Variants in MEDAG observed in about 807,000 individuals in gnomAD.
MEDAG encodes the protein mesenteric estrogen-dependent adipogenesis protein.
A neutral mutation model predicts 29.9 loss-of-function variants in MEDAG; 25 were observed. That is an observed-to-expected ratio of 0.84 (90% confidence interval 0.61 to 1.17). The LOEUF is 1.17. Among genes scored for constraint, MEDAG ranks in the 50% most tolerant of loss-of-function variants. The pLI is 0.00. For synonymous variants in MEDAG, 158 were observed against 148.2 expected, an observed-to-expected ratio of 1.07 and a Z score of -0.48; for missense variants, 398 against 372.9, an observed-to-expected ratio of 1.07 and a Z score of -0.56.
At chr13:30,915,477 C>T (rs946746100) in intron 1 of MEDAG, among the ~76,000 whole-genome samples, 9 of 152,136 alleles carry the variant, frequency 5.9e-5, no homozygotes, top group African/African-American at 2.2e-4. Flanking sequence ...GTGCCCGGCT[C>T]ATCAGCAGGA....
Position 30,925,337 on chromosome 13 carries a change from A to G in MEDAG, c.*902A>G, listed in dbSNP as rs1953031507. ...TTCTTGAAAAGGAAAAAAAAATCCT[A>G]TCTACATATAAAAACCTGCATGAAT... On this transcript the variant is annotated 3_prime_UTR_variant, in exon 5 of 5. Coordinates refer to ENST00000380482, the MANE Select transcript of MEDAG (RefSeq NM_032849.4). The G allele has an allele frequency of 6.6e-6, 1 of 152,210 alleles. No individual in the cohort carries two copies. The highest frequency in any genetic ancestry group is 2.4e-5 in the African/African-American group (1 of 41,454). 9.4% of individuals were successfully genotyped at this position (152,210 alleles called of 1,614,324 possible). A position where few individuals can be genotyped will look rare whatever the true frequency, so the allele number is the denominator to read the frequency against.
intron 1 of MEDAG, among the ~76,000 whole-genome samples, chr13:30,907,228 A>G (rs1186652734): frequency 6.6e-6 from 1 of 152,220 alleles, no homozygotes; most frequent in Non-Finnish European, 1.5e-5. Flanking sequence ...AGCAGGGGGC[A>G]TGCACCATTC....
intron 1 of MEDAG, chr13:30,908,975 A>G (rs1272939279): frequency 6.6e-6 from 1 of 152,006 alleles, no homozygotes; most frequent in African/African-American, 2.4e-5. Flanking sequence ...TTAGCTGGGC[A>G]TAGTGACATG....
chr13:30,923,082 A>G (rs1953004295), intron 4 of MEDAG, among the ~76,000 whole-genome samples: 1 of 151,752 alleles, frequency 6.6e-6, no homozygotes. Flanking sequence ...CACCATACCC[A>G]GCTAATTTTT....
chr13:30,925,193 A>G lies in MEDAG; in HGVS notation c.*758A>G, dbSNP rs572257481. The G allele has an allele frequency of 5.9e-5, 9 of 152,284 alleles. No individual in the cohort carries two copies. Among genetic ancestry groups the G allele is most frequent in the African/African-American group, 2.2e-4 (9 of 41,564 alleles). 9.4% of individuals were successfully genotyped at this position (152,284 alleles called of 1,614,324 possible). ...CACGGCAGCGTCCTCCTTATTGAAA[A>G]CACATTATGTCAGTTGGGAATTTTA... On this transcript the variant is annotated 3_prime_UTR_variant, in exon 5 of 5. Coordinates refer to ENST00000380482, the MANE Select transcript of MEDAG (RefSeq NM_032849.4).
intron 1 of MEDAG, among the ~76,000 whole-genome samples, chr13:30,908,283 A>T (rs1456651908): frequency 6.6e-6 from 1 of 152,266 alleles, no homozygotes; most frequent in African/African-American, 2.4e-5. Flanking sequence ...GTGACCAGGT[A>T]ACACAGACCA....
chr13:30,923,912 C>T (rs1019797642), intron 4 of MEDAG, among the ~76,000 whole-genome samples: 1 of 152,204 alleles, frequency 6.6e-6, no homozygotes, highest in East Asian at 1.9e-4. Flanking sequence ...GACAGCACAG[C>T]CAAGATGCAC....
chr13:30,913,560 A>G (rs544377596), intron 1 of MEDAG, among the ~76,000 whole-genome samples: 8 of 151,996 alleles, frequency 5.3e-5, no homozygotes, highest in Non-Finnish European at 8.8e-5. Flanking sequence ...CTTTGGATTG[A>G]AGCCAAGCTT....
chr13:30,924,303 T>C lies in MEDAG; in HGVS notation c.788-8T>C. On this transcript the variant is annotated splice_region_variant and splice_polypyrimidine_tract_variant and intron_variant, in intron 4 of 4. Coordinates refer to ENST00000380482, the MANE Select transcript of MEDAG (RefSeq NM_032849.4). ...GTAATAATGCATGCTTTGTTTACTG[T>C]TTTTTAGGTTCAATAGATGATGTTT... 1.2e-6 allele frequency: 2 copies of C among 1,609,850 alleles called. No individual in the cohort carries two copies. Among genetic ancestry groups the C allele is most frequent in the South Asian group, 1.1e-5 (1 of 90,100 alleles).
chr13:30,910,193 A>AACACACACACACAC (rs77242350), intron 1 of MEDAG, among the ~76,000 whole-genome samples: 23,673 of 149,080 alleles, frequency 0.16, 1,868 homozygotes, highest in South Asian at 0.19. Flanking sequence ...CACACACACA[A>AACACACACACACAC]ACACACACAC....
At chr13:30,908,975 A>C (rs1272939279) in intron 1 of MEDAG, 1 of 152,006 alleles carries the variant, frequency 6.6e-6, no homozygotes, top group Non-Finnish European at 1.5e-5. Flanking sequence ...TTAGCTGGGC[A>C]TAGTGACATG....
chr13:30,909,587 A>G (rs1231780387), intron 1 of MEDAG, among the ~76,000 whole-genome samples: 3 of 152,106 alleles, frequency 2.0e-5, no homozygotes, highest in Non-Finnish European at 4.4e-5. Context: ...GTAAATATAT[A>G]CCCAATTTTT....
rs1437191673 is a variant in MEDAG, at chr13:30,917,519, A to G, written c.388+7A>G. On this transcript the variant is annotated splice_region_variant and intron_variant, in intron 2 of 4. Coordinates refer to ENST00000380482, the MANE Select transcript of MEDAG (RefSeq NM_032849.4). ...AAAAAAGACACCTCAAAAGGTAAGT[A>G]TCTATATTAGTCCATTTTCACACTG... The G allele has an allele frequency of 1.4e-6, 2 of 1,443,186 alleles. No homozygotes were observed. The highest frequency in any genetic ancestry group is 1.9e-6 in the Non-Finnish European group (2 of 1,027,548). 89.4% of individuals were successfully genotyped at this position (1,443,186 alleles called of 1,614,324 possible).
In MEDAG at chr13:30,924,603, GC is replaced by G. The variant is rs941474679; in HGVS notation, c.*171del. 30 of 612,836 alleles carry G rather than the reference GC, an allele frequency of 4.9e-5. No individual in the cohort carries two copies. The African/African-American group carries it at 5.2e-4, about 11-fold the overall frequency. The allele number at this position is 612,836 out of a possible 1,614,324, so 38.0% of individuals were successfully genotyped here. The stretch of plus-strand genomic sequence containing the variant: ...TCTCTTCTGCTTCTGTGGATGTGAT[GC>G]CCTGGCAGGCCCAGGGCAGCTGATT... On this transcript the variant is annotated 3_prime_UTR_variant, in exon 5 of 5. Transcript: ENST00000380482.
rs138323245 is a variant in MEDAG, at chr13:30,917,723, C to T, written c.388+211C>T. 2.7e-3 allele frequency among the ~76,000 whole-genome samples: 411 copies of T among 152,118 alleles called. 3 individuals carry two copies. The highest frequency in any genetic ancestry group is 9.1e-3 in the African/African-American group (379 of 41,506). On this transcript the variant is annotated intron_variant, in intron 2 of 4. Coordinates refer to ENST00000380482, the MANE Select transcript of MEDAG (RefSeq NM_032849.4). ...TGGAGCAGGGGGAAGAGAGCGGAAG[C>T]GGGGCGGTGCTACACACTCTTAAAC...
At chr13:30,907,845 G>A (rs757315778) in intron 1 of MEDAG, among the ~76,000 whole-genome samples, 2 of 152,172 alleles carry the variant, frequency 1.3e-5, no homozygotes, top group African/African-American at 4.8e-5. Context: ...GATATTGAAC[G>A]TGCAGTCTTC....
At chr13:30,922,113 A>G (rs1047150928) in intron 4 of MEDAG, 6 of 276,722 alleles carry the variant, frequency 2.2e-5, no homozygotes, top group Admixed American at 1.5e-4. Context: ...TTATTAATTT[A>G]AATGAGTATT....
In MEDAG at chr13:30,921,863, G is replaced by A. The variant is rs779409096; in HGVS notation, c.787+17G>A. On this transcript the variant is annotated intron_variant, in intron 4 of 4. Transcript: ENST00000380482. The stretch of plus-strand genomic sequence containing the variant: ...CTTCCAGAGGTATGTTAAAAATTCC[G>A]AAGGATATGTGGAAGGTAGTTAAAT... The A allele has an allele frequency of 1.6e-5, 26 of 1,579,828 alleles. No individual in the cohort carries two copies. The highest frequency in any genetic ancestry group is 1.5e-4 in the South Asian group (13 of 84,116).
intron 4 of MEDAG, chr13:30,922,753 G>A (rs1430894082): frequency 1.3e-5 from 2 of 152,176 alleles, no homozygotes; most frequent in African/African-American, 4.8e-5. Flanking sequence ...CATTCTCTCT[G>A]TCTTTTGCTA....
Sources: gnomAD v4.1 joint callset for allele counts (sites outside exome capture counted in the v4.1 genomes callset) on GRCh38, gnomAD v4.1.1 for gene constraint, MANE v1.5 for transcripts, NCBI Gene and HGNC (gene_info 2026-07-23, HGNC 2026-07-21) for gene names.